MTUS2: variants seen among roughly 807,000 people sequenced by gnomAD.
The protein encoded by MTUS2 is microtubule-associated tumor suppressor candidate 2.
In MTUS2, 40 loss-of-function variants were observed where a neutral mutation model predicts 114.1. The ratio of observed to expected loss-of-function variants is 0.35; its 90% CI spans 0.27 to 0.46. MTUS2 has a LOEUF of 0.46. Among genes scored for constraint, MTUS2 ranks in the 20% least tolerant of loss-of-function variants. MTUS2 has a pLI of 1.00. For missense variants in MTUS2, 1,679 were observed against 1,705.4 expected (o/e 0.98, Z 0.27); for synonymous variants, 688 against 672.0 (o/e 1.02, Z -0.37).
At chr13:29,125,264 T>A (rs556580661) in intron 5 of MTUS2, among the ~76,000 whole-genome samples, 43 of 152,286 alleles carry the variant, frequency 2.8e-4, no homozygotes, top group African/African-American at 9.6e-4. Flanking sequence ...AGTGGTAGCA[T>A]CTTACAAATA....
chr13:28,950,412 G>GT (rs563429573), intron 2 of MTUS2, among the ~76,000 whole-genome samples: 35 of 152,266 alleles, frequency 2.3e-4, no homozygotes, highest in African/African-American at 8.2e-4. Context: ...GTTTCACTAT[G>GT]TTAATGACAA....
intron 5 of MTUS2, among the ~76,000 whole-genome samples, chr13:29,226,366 G>A (rs1896109298): frequency 6.6e-6 from 1 of 152,154 alleles, no homozygotes; most frequent in South Asian, 2.1e-4. Flanking sequence ...AAGAGAAGGG[G>A]ATGACAGCAT....
intron 5 of MTUS2, among the ~76,000 whole-genome samples, chr13:29,223,805 T>C (rs78659362): frequency 6.6e-6 from 1 of 152,226 alleles, no homozygotes; most frequent in African/African-American, 2.4e-5. Context: ...AGGAGCTCCC[T>C]GAGCCAGGGC....
At chr13:29,181,870 C>G (rs1164383982) in intron 5 of MTUS2, among the ~76,000 whole-genome samples, 1 of 150,330 alleles carries the variant, frequency 6.7e-6, no homozygotes, top group East Asian at 1.9e-4. Context: ...TTTTTTCTTG[C>G]TGATAATAGA....
chr13:29,377,909 C>T (rs1001904282), intron 8 of MTUS2, among the ~76,000 whole-genome samples: 6 of 152,232 alleles, frequency 3.9e-5, no homozygotes, highest in African/African-American at 9.6e-5. Flanking sequence ...TTGTCAGCAT[C>T]GGCAATGGAA....
intron 2 of MTUS2, among the ~76,000 whole-genome samples, chr13:29,018,166 A>G (rs1290609888): frequency 1.3e-5 from 2 of 152,156 alleles, no homozygotes; most frequent in Non-Finnish European, 2.9e-5. Flanking sequence ...TAGGAGGATG[A>G]TTTTACAGGG....
chr13:29,200,079 T>C (rs1383169157), intron 5 of MTUS2, among the ~76,000 whole-genome samples: 1 of 152,018 alleles, frequency 6.6e-6, no homozygotes. Flanking sequence ...TCTTCTCTCT[T>C]TTCTTCTTTA....
chr13:29,035,345 G>A (rs4768993), intron 4 of MTUS2, among the ~76,000 whole-genome samples: 67,268 of 152,066 alleles, frequency 0.44, 15,217 homozygotes, highest in Non-Finnish European at 0.49. Context: ...AGCGCTGCTG[G>A]GGGGATCACC....
chr13:29,066,171 A>G (rs1045782325), intron 4 of MTUS2, among the ~76,000 whole-genome samples: 1 of 152,184 alleles, frequency 6.6e-6, no homozygotes, highest in Admixed American at 6.5e-5. Context: ...CCTCAGAGGG[A>G]CAGGATGCCT....
intron 4 of MTUS2, among the ~76,000 whole-genome samples, chr13:29,040,404 T>C (rs1566317130): frequency 6.6e-6 from 1 of 152,208 alleles, no homozygotes; most frequent in Non-Finnish European, 1.5e-5. Flanking sequence ...ATTTTTGCAA[T>C]TGCGAATTCT....
chr13:29,099,158 C>T (rs141583092), intron 4 of MTUS2, among the ~76,000 whole-genome samples: 7 of 152,280 alleles, frequency 4.6e-5, no homozygotes, highest in African/African-American at 9.6e-5. Context: ...AGTCATTAAA[C>T]GTGGCATAAA....
intron 7 of MTUS2, among the ~76,000 whole-genome samples, chr13:29,353,913 C>T (rs1460863713): frequency 1.3e-5 from 2 of 152,184 alleles, no homozygotes; most frequent in Non-Finnish European, 2.9e-5. Context: ...GGCAGGTATG[C>T]ACTGATCAGA....
chr13:29,405,974 C>T (rs1203528727), intron 8 of MTUS2, among the ~76,000 whole-genome samples: 1 of 152,114 alleles, frequency 6.6e-6, no homozygotes, highest in Non-Finnish European at 1.5e-5. Flanking sequence ...CTCCTGACCT[C>T]ACATGATCCG....
In MTUS2 at chr13:28,908,272, C is replaced by A. The variant is rs551823485; in HGVS notation, c.-243+68422C>A. On this transcript the variant is annotated intron_variant, in intron 2 of 15. Coordinates refer to ENST00000612955, the MANE Select transcript of MTUS2 (RefSeq NM_001033602.4). The stretch of plus-strand genomic sequence containing the variant: ...TGTCATTTAACATTAGGTATATCTC[C>A]AAACGCTATCCCTTCCACCTCCCCC... Among the ~76,000 whole-genome samples the A allele has an allele frequency of 6.6e-5, 10 of 151,566 alleles. No individual in the cohort carries two copies. In the South Asian group the frequency reaches 2.1e-3, roughly 32 times the overall value.
chr13:29,025,693 T>C lies in MTUS2; in HGVS notation c.995T>C (p.Leu332Pro). Residue 332 changes from leucine to proline, a missense_variant, in exon 3 of 16, where the codon CTG becomes CCG. Leu to Pro is a moderately conservative substitution (Grantham distance 98). Around this residue, in one of 3 missense-constraint regions of MTUS2, gnomAD observed 843 missense variants for 770.8 expected, o/e 1.09. Transcript: ENST00000612955. The stretch of plus-strand genomic sequence containing the variant: ...GGAAAGGCAGCCCAGGAAGGGTATC[T>C]GGGATGCCACAAGGAAGAGAATCTG... ...QEGKAAQEGY[L>P]GCHKEENLSA... The C allele has an allele frequency of 6.2e-7, 1 of 1,613,976 alleles. No homozygotes were observed. Among genetic ancestry groups the C allele is most frequent in the Non-Finnish European group, 8.5e-7 (1 of 1,179,874 alleles).
chr13:28,983,201 C>T (rs952329288), intron 2 of MTUS2, among the ~76,000 whole-genome samples: 1 of 152,184 alleles, frequency 6.6e-6, no homozygotes, highest in African/African-American at 2.4e-5. Context: ...CACAGAGGTC[C>T]CTGGCAGGTC....
intron 8 of MTUS2, among the ~76,000 whole-genome samples, chr13:29,427,929 A>G (rs974303746): frequency 1.3e-5 from 2 of 152,106 alleles, no homozygotes; most frequent in Non-Finnish European, 2.9e-5. Context: ...AGAAAACAAA[A>G]ACAAACATTT....
At chr13:29,027,736 A>G (rs913260909) in intron 3 of MTUS2, among the ~76,000 whole-genome samples, 1 of 151,920 alleles carries the variant, frequency 6.6e-6, no homozygotes, top group Non-Finnish European at 1.5e-5. Context: ...TATTTTTAGT[A>G]GAGATGGGGT....
intron 4 of MTUS2, among the ~76,000 whole-genome samples, chr13:29,037,461 A>G (rs1051439802): frequency 6.6e-6 from 1 of 151,844 alleles, no homozygotes; most frequent in Non-Finnish European, 1.5e-5. Flanking sequence ...CTTCATTTCA[A>G]CCTTGGTGAA....
Sources: gnomAD v4.1 joint callset for allele counts (sites outside exome capture counted in the v4.1 genomes callset) on GRCh38, gnomAD v4.1.1 for gene constraint, gnomAD v4.1.1 regional missense constraint, MANE v1.5 for transcripts, NCBI Gene and HGNC (gene_info 2026-07-23, HGNC 2026-07-21) for gene names.